PTPRT: variants seen among roughly 807,000 people sequenced by gnomAD.
PTPRT encodes the protein protein tyrosine phosphatase receptor type T.
In PTPRT, 56 loss-of-function variants were observed where a neutral mutation model predicts 176.8. The observed-to-expected ratio is 0.32, with a 90% CI of 0.26 to 0.40. The LOEUF is 0.40. Ranked by LOEUF, PTPRT falls within the 10% of genes least tolerant of loss-of-function variation. The pLI is 1.00. For synonymous variants in PTPRT, 783 were observed against 739.0 expected, an observed-to-expected ratio of 1.06 and a Z score of -0.96; for missense variants, 1,540 against 1,908.2, an observed-to-expected ratio of 0.81 and a Z score of 3.60.
At chr20:42,963,153 C>T (rs376256424) in intron 1 of PTPRT, among the ~76,000 whole-genome samples, 1 of 151,846 alleles carries the variant, frequency 6.6e-6, no homozygotes, top group Non-Finnish European at 1.5e-5. Flanking sequence ...GAGCTTAGAT[C>T]GCACCACTGC....
In PTPRT at chr20:43,054,570, A is replaced by G. The variant is rs1219887763; in HGVS notation, c.88+135076T>C. ...CCCTGTCTCCAAAAAAAGAAGGGGA[A>G]AAAAAAAAAAAAAAACAACCTTGGT... On this transcript the variant is annotated intron_variant, in intron 1 of 30. Transcript: ENST00000373187. 4.1e-3 allele frequency among the ~76,000 whole-genome samples: 512 copies of G among 125,990 alleles called. 7 individuals are homozygous for G. The highest frequency in any genetic ancestry group is 0.012 in the African/African-American group (429 of 36,178). The allele number at this position is 125,990 out of a possible 152,430, so 82.7% of individuals were successfully genotyped here. A position where few individuals can be genotyped will look rare whatever the true frequency, so the allele number is the denominator to read the frequency against.
chr20:42,952,012 C>A (rs1981283939), intron 1 of PTPRT, among the ~76,000 whole-genome samples: 1 of 152,226 alleles, frequency 6.6e-6, no homozygotes, highest in Non-Finnish European at 1.5e-5. Flanking sequence ...GCTTCTTGAA[C>A]CCGGGCTATG....
chr20:42,840,518 T>C (rs892618712), intron 2 of PTPRT, among the ~76,000 whole-genome samples: 5 of 152,148 alleles, frequency 3.3e-5, no homozygotes, highest in Non-Finnish European at 4.4e-5. Context: ...GTTCAAGCAA[T>C]TCTCCTGCGT....
chr20:42,253,220 C>G (rs543704521), intron 13 of PTPRT, among the ~76,000 whole-genome samples: 1 of 152,244 alleles, frequency 6.6e-6, no homozygotes, highest in Non-Finnish European at 1.5e-5. Flanking sequence ...AGAATGTGAC[C>G]TGTGATGGGA....
chr20:42,606,672 G>A (rs1011906696), intron 7 of PTPRT: 1 of 152,170 alleles, frequency 6.6e-6, no homozygotes, highest in African/African-American at 2.4e-5. Context: ...CTTTTGAGCT[G>A]GGATCCCCAC....
chr20:42,096,988 G>C (rs1036662702), intron 27 of PTPRT, among the ~76,000 whole-genome samples: 5 of 152,170 alleles, frequency 3.3e-5, no homozygotes, highest in Middle Eastern at 3.4e-3. Flanking sequence ...CCAAACTCCA[G>C]TGGTCCCACA....
At chr20:42,406,462 G>C (rs1019749294) in intron 9 of PTPRT, among the ~76,000 whole-genome samples, 23 of 151,924 alleles carry the variant, frequency 1.5e-4, no homozygotes, top group African/African-American at 5.6e-4. Flanking sequence ...AAATTCAACC[G>C]AGGAGAAGAA....
At chr20:42,741,189 T>C (rs901325332) in intron 6 of PTPRT, among the ~76,000 whole-genome samples, 1 of 152,226 alleles carries the variant, frequency 6.6e-6, no homozygotes, top group Admixed American at 6.5e-5. Flanking sequence ...AGAGAGCTAA[T>C]GATACTGCAA....
the PTPRT span, among the ~76,000 whole-genome samples, chr20:42,051,407 T>TGA: frequency 6.6e-6 from 1 of 152,172 alleles, no homozygotes; most frequent in African/African-American, 2.4e-5. Context: ...AATGGGGAAG[T>TGA]GAGGCAAGGA....
chr20:43,083,614 C>T (rs1029932433), intron 1 of PTPRT, among the ~76,000 whole-genome samples: 1 of 151,804 alleles, frequency 6.6e-6, no homozygotes, highest in African/African-American at 2.4e-5. Flanking sequence ...CCACCTTGGC[C>T]TCCCAAAGTG....
chr20:43,103,451 A>G (rs2012472525), intron 1 of PTPRT, among the ~76,000 whole-genome samples: 1 of 152,180 alleles, frequency 6.6e-6, no homozygotes, highest in Non-Finnish European at 1.5e-5. Flanking sequence ...AAATTTTAGG[A>G]AACTTGCTGA....
chr20:42,534,632 T>A (rs550442868), intron 7 of PTPRT, among the ~76,000 whole-genome samples: 1 of 152,100 alleles, frequency 6.6e-6, no homozygotes, highest in African/African-American at 2.4e-5. Context: ...CGAGACTCCA[T>A]CTCAAAAAAG....
chr20:43,012,742 C>T (rs1379302594), intron 1 of PTPRT, among the ~76,000 whole-genome samples: 1 of 152,088 alleles, frequency 6.6e-6, no homozygotes, highest in Non-Finnish European at 1.5e-5. Context: ...GAGTTGGCTC[C>T]TTGGCAGCCC....
chr20:42,347,429 C>T (rs1036254251), intron 11 of PTPRT, among the ~76,000 whole-genome samples: 1 of 152,118 alleles, frequency 6.6e-6, no homozygotes, highest in African/African-American at 2.4e-5. Flanking sequence ...TACCGCTTCT[C>T]TCAATCACTA....
intron 9 of PTPRT, among the ~76,000 whole-genome samples, chr20:42,362,436 G>T (rs2058443669): frequency 6.6e-6 from 1 of 151,612 alleles, no homozygotes; most frequent in Admixed American, 6.6e-5. Context: ...TTAAAGGACA[G>T]TCTACAAAAT....
At chr20:42,655,386 G>A (rs1490542400) in intron 7 of PTPRT, among the ~76,000 whole-genome samples, 1 of 152,198 alleles carries the variant, frequency 6.6e-6, no homozygotes, top group Non-Finnish European at 1.5e-5. Flanking sequence ...AGCTACTTGG[G>A]AGGCTGAGGC....
At chr20:42,061,582 G>A in the PTPRT span, among the ~76,000 whole-genome samples, 1 of 152,018 alleles carries the variant, frequency 6.6e-6, no homozygotes, top group Non-Finnish European at 1.5e-5. Context: ...ATTCTTTTAT[G>A]TTTTTCATTA....
At chr20:42,188,493 T>G (rs564973899) in intron 16 of PTPRT, among the ~76,000 whole-genome samples, 24 of 152,216 alleles carry the variant, frequency 1.6e-4, no homozygotes, top group African/African-American at 5.5e-4. Flanking sequence ...ACATGCCTCA[T>G]AGCATTGTTG....
chr20:42,889,411 G>C (rs773115810), intron 1 of PTPRT, among the ~76,000 whole-genome samples: 2 of 152,206 alleles, frequency 1.3e-5, no homozygotes, highest in Non-Finnish European at 2.9e-5. Context: ...TTTAAAAGCA[G>C]CTTTCCACTC....
Sources: allele counts gnomAD v4.1 joint callset (sites outside exome capture counted in the v4.1 genomes callset), GRCh38; gene constraint gnomAD v4.1.1; transcripts MANE v1.5; gene names NCBI Gene and HGNC (gene_info 2026-07-23, HGNC 2026-07-21).